The following KLHL29 variants were observed in gnomAD, a reference collection of about 807,000 sequenced individuals.
KLHL29 encodes the protein kelch-like protein 29.
A neutral mutation model predicts 80.4 loss-of-function variants in KLHL29; 21 were observed. The ratio of observed to expected loss-of-function variants is 0.26; its 90% CI spans 0.19 to 0.38. The LOEUF is 0.38. Ranked by LOEUF, KLHL29 falls within the 10% of genes least tolerant of loss-of-function variation. KLHL29 has a pLI of 1.00. For synonymous variants in KLHL29, 511 were observed against 526.8 expected, an observed-to-expected ratio of 0.97 and a Z score of 0.41; for missense variants, 867 against 1,223.9, an observed-to-expected ratio of 0.71 and a Z score of 4.35.
intron 3 of KLHL29, chr2:23,616,863 A>G (rs906286964): frequency 4.6e-5 from 7 of 152,208 alleles, no homozygotes; most frequent in Non-Finnish European, 8.8e-5. Flanking sequence ...GCGGGCAGCG[A>G]GAAGAACACA....
chr2:23,455,552 C>T (rs887368787), intron 1 of KLHL29, among the ~76,000 whole-genome samples: 1 of 149,666 alleles, frequency 6.7e-6, no homozygotes, highest in African/African-American at 2.5e-5. Flanking sequence ...GACAGGCAGA[C>T]AAGTTTGCCA....
At position 23,707,421 on chromosome 2, in the gene KLHL29, C is replaced by G. The variant is rs1333389159; in HGVS notation, c.*757C>G. ...TATTTTTAAGTACTGAGAGGAGGAG[C>G]AGGCCACAAGAGGGATAATGTTGTG... On this transcript the variant is annotated 3_prime_UTR_variant, in exon 14 of 14. Transcript: ENST00000486442. 1 of 152,214 alleles carries G rather than the reference C, an allele frequency of 6.6e-6. No individual in the cohort carries two copies. Among genetic ancestry groups the G allele is most frequent in the Non-Finnish European group, 1.5e-5 (1 of 68,050 alleles). 9.4% of individuals were successfully genotyped at this position (152,214 alleles called of 1,614,324 possible). A position where few individuals can be genotyped will look rare whatever the true frequency, so the allele number is the denominator to read the frequency against.
In KLHL29 at chr2:23,691,721, T is replaced by C; in HGVS notation, c.1127T>C (p.Val376Ala). ...GGCGGCCGGGAGAAGCTGGAGCTCG[T>C]CCTGTCGAACCTGCAGGCAGACGTC... Reference protein sequence around the residue: ...GQGGREKLELVLSNLQADVLE... With the variant: ...GQGGREKLELALSNLQADVLE... Residue 376 changes from valine to alanine, a missense_variant, in exon 7 of 14, where the codon GTC becomes GCC. Transcript: ENST00000486442. The C allele has an allele frequency of 1.3e-6, 2 of 1,551,788 alleles. No homozygotes were observed. The highest frequency in any genetic ancestry group is 8.7e-7 in the Non-Finnish European group (1 of 1,147,022).
Position 23,562,569 on chromosome 2 carries a change from G to A in KLHL29, c.285+88G>A. 1 of 1,364,016 alleles carries A rather than the reference G, an allele frequency of 7.3e-7. No individual in the cohort carries two copies. The highest frequency in any genetic ancestry group is 1.4e-5 in the South Asian group (1 of 71,816). 84.5% of individuals were successfully genotyped at this position (1,364,016 alleles called of 1,614,324 possible). A position where few individuals can be genotyped will look rare whatever the true frequency, so the allele number is the denominator to read the frequency against. Reference sequence around the variant, plus strand: ...CAGGCCAGCCCCACAGGCTCCTGTGGGGCAGCCTGTGCTCCACGCCCCGAG... The same window carrying A: ...CAGGCCAGCCCCACAGGCTCCTGTGAGGCAGCCTGTGCTCCACGCCCCGAG... On this transcript the variant is annotated intron_variant, in intron 3 of 13. Coordinates refer to ENST00000486442, the MANE Select transcript of KLHL29 (RefSeq NM_052920.2). This position sits in a 1 kb window ranked among gnomAD's most constrained non-coding sequence, Gnocchi z 4.5.
At chr2:23,534,267 T>TA (rs2103479783) in intron 2 of KLHL29, among the ~76,000 whole-genome samples, 1 of 152,332 alleles carries the variant, frequency 6.6e-6, no homozygotes, top group South Asian at 2.1e-4. Flanking sequence ...TAGTATGACT[T>TA]ACCTTGTAGG....
At chr2:23,658,578 G>C (rs1049564822) in intron 5 of KLHL29, among the ~76,000 whole-genome samples, 2 of 152,208 alleles carry the variant, frequency 1.3e-5, no homozygotes, top group African/African-American at 2.4e-5. Flanking sequence ...TGGAGGGGAA[G>C]GGGAGGTGGC....
intron 1 of KLHL29, among the ~76,000 whole-genome samples, chr2:23,392,245 C>A (rs1413827329): frequency 2.0e-5 from 3 of 152,182 alleles, no homozygotes; most frequent in Admixed American, 6.5e-5. Flanking sequence ...CAATCCTGTT[C>A]AATTTCAATC....
At chr2:23,572,456 C>T (rs1224916409) in intron 3 of KLHL29, among the ~76,000 whole-genome samples, 4 of 152,068 alleles carry the variant, frequency 2.6e-5, no homozygotes, top group Non-Finnish European at 4.4e-5. Flanking sequence ...TGAAACTTAC[C>T]CATTTATTTA....
At chr2:23,570,194 T>C (rs1460806020) in intron 3 of KLHL29, among the ~76,000 whole-genome samples, 1 of 152,202 alleles carries the variant, frequency 6.6e-6, no homozygotes, top group Non-Finnish European at 1.5e-5. Flanking sequence ...CTGTATGCAC[T>C]CAGAGACTGC....
At chr2:23,600,655 G>A (rs1668546830) in intron 3 of KLHL29, among the ~76,000 whole-genome samples, 2 of 152,186 alleles carry the variant, frequency 1.3e-5, no homozygotes, top group Non-Finnish European at 2.9e-5. Context: ...CTCCTGGATG[G>A]GACTTGTGGG....
intron 6 of KLHL29, chr2:23,689,943 G>T (rs998805583): frequency 2.0e-5 from 3 of 152,294 alleles, no homozygotes; most frequent in Non-Finnish European, 1.5e-5. Flanking sequence ...GGTTTGGAGG[G>T]GCCTCTGTGG....
chr2:23,450,788 A>G (rs1033480034), intron 1 of KLHL29, among the ~76,000 whole-genome samples: 1 of 152,196 alleles, frequency 6.6e-6, no homozygotes, highest in Admixed American at 6.5e-5. Context: ...AAGGTATACA[A>G]TTCAGTGGTT....
intron 5 of KLHL29, among the ~76,000 whole-genome samples, chr2:23,677,840 G>A (rs1438709087): frequency 6.6e-6 from 1 of 152,148 alleles, no homozygotes; most frequent in African/African-American, 2.4e-5. Context: ...TTTCACAACT[G>A]CTCTGAGTTT....
chr2:23,449,789 A>G (rs1315324280), intron 1 of KLHL29, among the ~76,000 whole-genome samples: 2 of 152,138 alleles, frequency 1.3e-5, no homozygotes, highest in East Asian at 3.9e-4. Context: ...AATGGCCCAT[A>G]CAACTGAACT....
At chr2:23,621,491 T>TAA (rs917134560) in intron 3 of KLHL29, among the ~76,000 whole-genome samples, 2 of 130,986 alleles carry the variant, frequency 1.5e-5, no homozygotes, top group African/African-American at 6.0e-5. Flanking sequence ...TGAGGAGAGG[T>TAA]AAGGGAGGAG....
intron 2 of KLHL29, among the ~76,000 whole-genome samples, chr2:23,488,157 G>A (rs1350140692): frequency 6.6e-6 from 1 of 152,228 alleles, no homozygotes; most frequent in Non-Finnish European, 1.5e-5. Context: ...TGTCAGGTGG[G>A]CTTCGCAATA....
At chr2:23,472,463 G>A (rs966926691) in intron 1 of KLHL29, among the ~76,000 whole-genome samples, 9 of 152,130 alleles carry the variant, frequency 5.9e-5, no homozygotes, top group African/African-American at 2.2e-4. Flanking sequence ...ATGAAACCCT[G>A]TCTCTACTAA....
intron 2 of KLHL29, among the ~76,000 whole-genome samples, chr2:23,535,160 G>C (rs1421436234): frequency 6.6e-6 from 1 of 152,268 alleles, no homozygotes; most frequent in East Asian, 1.9e-4. Flanking sequence ...GGGGCCTGTT[G>C]TGGTCTTCCT....
chr2:23,639,855 C>T (rs1262416158), intron 4 of KLHL29, among the ~76,000 whole-genome samples: 2 of 152,184 alleles, frequency 1.3e-5, no homozygotes, highest in Non-Finnish European at 2.9e-5. Flanking sequence ...CCTTCATCCC[C>T]CTCTCAAAGT....
Sources: gnomAD v4.1 joint callset for allele counts (sites outside exome capture counted in the v4.1 genomes callset) on GRCh38, gnomAD v4.1.1 for gene constraint, Gnocchi (gnomAD v3.1) non-coding constraint, MANE v1.5 for transcripts, NCBI Gene and HGNC (gene_info 2026-07-23, HGNC 2026-07-21) for gene names.